The following SGMS2 variants were observed in gnomAD, a reference collection of about 807,000 sequenced individuals.
SGMS2 encodes sphingomyelin synthase 2, also known as phosphatidylcholine:ceramide cholinephosphotransferase 2.
SGMS2 carries 21 observed loss-of-function variants against 43.8 expected under a neutral mutation model. That is an observed-to-expected ratio of 0.48 (90% CI 0.34 to 0.69). The LOEUF (loss-of-function observed/expected upper bound fraction) is 0.69. SGMS2 is among the 30% of genes least tolerant of loss of function. The pLI is 0.01. For missense variants in SGMS2, 384 were observed against 443.2 expected (o/e 0.87, Z 1.20); for synonymous variants, 167 against 160.6 (o/e 1.04, Z -0.30).
chr4:107,908,653 C>T lies in SGMS2; in HGVS notation c.816C>T (p.His272=), dbSNP rs778319844. The T allele has an allele frequency of 1.4e-5, 22 of 1,613,906 alleles. No individual in the cohort carries two copies. Among genetic ancestry groups the T allele is most frequent in the Non-Finnish European group, 1.9e-5 (22 of 1,179,940 alleles). Residue 272 remains histidine (H), a synonymous_variant, in exon 6 of 7, where the codon CAC becomes CAT. Transcript: ENST00000690982. ...GIICILVAHE[H]YTIDVIIAYY... ...TCTGCATTCTTGTAGCACACGAACACTACACTATCGATGTGATCATTGCTT... is the reference window on the plus strand; with the variant it reads ...TCTGCATTCTTGTAGCACACGAACATTACACTATCGATGTGATCATTGCTT...
In SGMS2 at chr4:107,828,744, G is replaced by A. The variant is rs528726381; in HGVS notation, c.-327+3491G>A. On this transcript the variant is annotated intron_variant, in intron 1 of 6. Transcript: ENST00000690982. ...TTTCTAAACTGTATTCAGAATTAGA[G>A]AACTTTTCCCTGTCTCTTTAATTTA... Among the ~76,000 whole-genome samples the A allele has an allele frequency of 3.3e-5, 5 of 152,290 alleles. No homozygotes were observed. The East Asian group carries it at 7.7e-4, about 23-fold the overall frequency.
intron 2 of SGMS2, among the ~76,000 whole-genome samples, chr4:107,859,571 T>C (rs1382407865): frequency 6.6e-6 from 1 of 152,228 alleles, no homozygotes; most frequent in Non-Finnish European, 1.5e-5. Context: ...TCATTGAAGC[T>C]GAGTGAAGAA....
rs1409619992 is a variant in SGMS2, at chr4:107,914,786, T to C, written c.*4233T>C. On this transcript the variant is annotated 3_prime_UTR_variant, in exon 7 of 7. Coordinates refer to ENST00000690982, the MANE Select transcript of SGMS2 (RefSeq NM_001375905.1). Reference sequence around the variant, plus strand: ...CCTTTTTTGATAAAGAGGAAATTTGTTTTCCATGCTTGTGATTTTGTGTTT... The same window carrying C: ...CCTTTTTTGATAAAGAGGAAATTTGCTTTCCATGCTTGTGATTTTGTGTTT... The C allele has an allele frequency of 1.3e-5, 2 of 152,170 alleles. No homozygotes were observed. The highest frequency in any genetic ancestry group is 2.9e-5 in the Non-Finnish European group (2 of 68,004). The allele number at this position is 152,170 out of a possible 1,614,324, so 9.4% of individuals were successfully genotyped here.
At chr4:107,866,219 A>G (rs1728100689) in intron 2 of SGMS2, among the ~76,000 whole-genome samples, 1 of 152,148 alleles carries the variant, frequency 6.6e-6, no homozygotes. Context: ...ATTCACATGG[A>G]TGTGTTATCC....
At chr4:107,859,612 G>T (rs1727615758) in intron 2 of SGMS2, among the ~76,000 whole-genome samples, 1 of 152,112 alleles carries the variant, frequency 6.6e-6, no homozygotes, top group Non-Finnish European at 1.5e-5. Context: ...AATACTTACT[G>T]AACGCTTTCT....
chr4:107,893,131 C>T (rs982258608), intron 2 of SGMS2: 1 of 152,048 alleles, frequency 6.6e-6, no homozygotes, highest in Non-Finnish European at 1.5e-5. Context: ...ATTCTCATAG[C>T]AGTCCCATGA....
In SGMS2 at chr4:107,825,196, C is replaced by T. The variant is rs1725504556; in HGVS notation, c.-384C>T. 6.5e-6 allele frequency: 1 copy of T among 152,756 alleles called. No homozygotes were observed. Among genetic ancestry groups the T allele is most frequent in the Non-Finnish European group, 1.5e-5 (1 of 68,530 alleles). The allele number at this position is 152,756 out of a possible 1,614,324, so 9.5% of individuals were successfully genotyped here. A position where few individuals can be genotyped will look rare whatever the true frequency, so the allele number is the denominator to read the frequency against. ...AGCGGGCTCCATCCCCTGGCAAATCCCCTTCCCGGGAGCAAGTGCCTTCAG... is the reference window on the plus strand; with the variant it reads ...AGCGGGCTCCATCCCCTGGCAAATCTCCTTCCCGGGAGCAAGTGCCTTCAG... On this transcript the variant is annotated 5_prime_UTR_variant, in exon 1 of 7. Coordinates refer to ENST00000690982, the MANE Select transcript of SGMS2 (RefSeq NM_001375905.1).
In SGMS2 at chr4:107,903,247, T is replaced by G. The variant is rs760609949; in HGVS notation, c.588T>G (p.Ser196=). The change falls in exon 5 of 7, where the codon TCT becomes TCG. Residue 196 remains serine (S), a synonymous_variant. Transcript: ENST00000690982. ...GTGTCATTCAGCTCAATGGAGACTC[T>G]CAGGCAAAAGTTCAACGGATTCTAC... ...FQCAPKLNGD[S]QAKVQRILRL... 3.7e-6 allele frequency: 6 copies of G among 1,614,052 alleles called. No individual in the cohort carries two copies. The highest frequency in any genetic ancestry group is 5.1e-6 in the Non-Finnish European group (6 of 1,179,914).
rs188767562 is a variant in SGMS2 at position 107,829,222 on chromosome 4, C to T, written c.-327+3969C>T. Among the ~76,000 whole-genome samples, 22 of 152,186 alleles carry T rather than the reference C, an allele frequency of 1.4e-4. No homozygotes were observed. In the South Asian group the frequency reaches 2.5e-3, roughly 17 times the overall value. On this transcript the variant is annotated intron_variant, in intron 1 of 6. Coordinates refer to ENST00000690982, the MANE Select transcript of SGMS2 (RefSeq NM_001375905.1). ...TTTTGGGGCTGATTTAATGAAAGTG[C>T]GAGAAATTTCTATTAGTTTATTTTT... is the stretch of plus-strand genomic sequence containing the variant.
chr4:107,866,652 G>A (rs1728149079), intron 2 of SGMS2, among the ~76,000 whole-genome samples: 1 of 151,792 alleles, frequency 6.6e-6, no homozygotes, highest in Admixed American at 6.6e-5. Context: ...TCACGGTGGT[G>A]TTCTGAGCAC....
intron 2 of SGMS2, among the ~76,000 whole-genome samples, chr4:107,872,313 A>ACACTCAAATTGAGTGTTTAAATTGAGT (rs1728607280): frequency 6.6e-6 from 1 of 152,128 alleles, no homozygotes; most frequent in African/African-American, 2.4e-5. Context: ...TTATCTCATA[A>ACACTCAAATTGAGTGTTTAAATTGAGT]GCCTGGTGAG....
intron 1 of SGMS2, among the ~76,000 whole-genome samples, chr4:107,856,468 C>A (rs1727432285): frequency 6.6e-6 from 1 of 152,154 alleles, no homozygotes; most frequent in Non-Finnish European, 1.5e-5. Context: ...TATAAGCTGA[C>A]CATATTAGAA....
At chr4:107,871,183 T>G (rs1728532059) in intron 2 of SGMS2, among the ~76,000 whole-genome samples, 1 of 152,222 alleles carries the variant, frequency 6.6e-6, no homozygotes, top group Non-Finnish European at 1.5e-5. Flanking sequence ...TAGGCGGAGC[T>G]TGGCATTTTA....
At chr4:107,901,220 C>T (rs1731085886) in intron 4 of SGMS2, among the ~76,000 whole-genome samples, 1 of 152,146 alleles carries the variant, frequency 6.6e-6, no homozygotes, top group South Asian at 2.1e-4. Flanking sequence ...CTTGTCGGGA[C>T]CCCTTCCTGA....
At chr4:107,829,284 G>A (rs574027640) in intron 1 of SGMS2, among the ~76,000 whole-genome samples, 146 of 152,208 alleles carry the variant, frequency 9.6e-4, no homozygotes, top group African/African-American at 3.4e-3. Context: ...ACATTCTCAA[G>A]TTTTACAATA....
At chr4:107,860,931 G>T (rs1360720460) in intron 2 of SGMS2, among the ~76,000 whole-genome samples, 2 of 152,142 alleles carry the variant, frequency 1.3e-5, no homozygotes, top group African/African-American at 4.8e-5. Flanking sequence ...ACTGGGTTGC[G>T]TGCCTTGGCA....
At chr4:107,842,814 G>A (rs76530821) in intron 1 of SGMS2, among the ~76,000 whole-genome samples, 2 of 151,854 alleles carry the variant, frequency 1.3e-5, no homozygotes, top group African/African-American at 4.8e-5. Context: ...TGGTGTAATC[G>A]GAGCTGATTT....
chr4:107,895,515 A>G lies in SGMS2; in HGVS notation c.-39A>G, dbSNP rs1200642031. ...AGCTAAATTTCCACAAAGAACAAGA[A>G]CTTGACCATCTCCTTTTTGATCTGA... On this transcript the variant is annotated 5_prime_UTR_variant, in exon 3 of 7. Transcript: ENST00000690982. The G allele has an allele frequency of 6.4e-7, 1 of 1,567,102 alleles. No homozygotes were observed. The highest frequency in any genetic ancestry group is 8.6e-7 in the Non-Finnish European group (1 of 1,156,608).
chr4:107,852,812 T>C (rs1326470597), intron 1 of SGMS2, among the ~76,000 whole-genome samples: 1 of 152,066 alleles, frequency 6.6e-6, no homozygotes, highest in East Asian at 1.9e-4. Flanking sequence ...TTTGTTGATG[T>C]TCTTAGGAGG....
Sources: gnomAD v4.1 joint callset for allele counts (sites outside exome capture counted in the v4.1 genomes callset) on GRCh38, gnomAD v4.1.1 for gene constraint, MANE v1.5 for transcripts, NCBI Gene and HGNC (gene_info 2026-07-23, HGNC 2026-07-21) for gene names.